Variants in LOXHD1 observed in about 807,000 individuals in gnomAD.
The protein encoded by LOXHD1 is lipoxygenase homology domain-containing protein 1.
LOXHD1 carries 205 observed loss-of-function variants against 248.2 expected under a neutral mutation model. The observed-to-expected ratio is 0.83, with a 90% CI of 0.74 to 0.93. LOXHD1 has a LOEUF of 0.93. Ranked by LOEUF, LOXHD1 falls within the 40% of genes least tolerant of loss-of-function variation. The pLI, the probability that LOXHD1 is intolerant of heterozygous loss-of-function variation, is 0.00. For missense variants in LOXHD1, 2,930 were observed against 2,971.6 expected, an observed-to-expected ratio of 0.99 and a Z score of 0.33; for synonymous variants, 1,113 against 1,162.8, an observed-to-expected ratio of 0.96 and a Z score of 0.87.
chr18:46,486,585 T>A (rs936975506), intron 38 of LOXHD1, among the ~76,000 whole-genome samples: 1 of 152,162 alleles, frequency 6.6e-6, no homozygotes, highest in African/African-American at 2.4e-5. Context: ...AGTTGTACCA[T>A]TGCCTTCTGC....
intron 28 of LOXHD1, 129 bp from the exon 29 acceptor site, chr18:46,529,460 C>T (rs2035967945): frequency 9.6e-7 from 1 of 1,038,434 alleles, no homozygotes; most frequent in Non-Finnish European, 1.3e-6. Flanking sequence ...TAATGCCTTC[C>T]TTTTGTTTGC....
At chr18:46,519,394 T>C (rs1351302990) in intron 33 of LOXHD1, among the ~76,000 whole-genome samples, 4 of 152,240 alleles carry the variant, frequency 2.6e-5, no homozygotes, top group African/African-American at 9.6e-5. Context: ...GTTCCCATCA[T>C]TGTCCTGGTG....
intron 37 of LOXHD1, among the ~76,000 whole-genome samples, chr18:46,496,403 C>T (rs2033871149): frequency 6.6e-6 from 1 of 152,148 alleles, no homozygotes; most frequent in Non-Finnish European, 1.5e-5. Context: ...GCATTTGTCA[C>T]CTGATTTATA....
chr18:46,504,794 T>A (rs568123975), intron 37 of LOXHD1, among the ~76,000 whole-genome samples: 1 of 152,176 alleles, frequency 6.6e-6, no homozygotes, highest in Non-Finnish European at 1.5e-5. Context: ...GGGCAGCCAT[T>A]TGGGAGACCC....
At chr18:46,630,360 A>AG (rs1157660735) in intron 4 of LOXHD1, among the ~76,000 whole-genome samples, 1 of 152,120 alleles carries the variant, frequency 6.6e-6, no homozygotes, top group Admixed American at 6.5e-5. Flanking sequence ...TCGAAGTAGG[A>AG]GGGTTTGTGG....
intron 34 of LOXHD1, among the ~76,000 whole-genome samples, chr18:46,512,685 G>A (rs1166157834): frequency 6.6e-6 from 1 of 152,138 alleles, no homozygotes; most frequent in Non-Finnish European, 1.5e-5. Context: ...GACATCCATG[G>A]CCAACCTTTA....
At chr18:46,504,689 C>T (rs1409334918) in intron 37 of LOXHD1, among the ~76,000 whole-genome samples, 1 of 152,142 alleles carries the variant, frequency 6.6e-6, no homozygotes, top group Non-Finnish European at 1.5e-5. Flanking sequence ...TTGCAAACTA[C>T]CGAGTTGGGT....
chr18:46,520,644 C>T (rs1263196883), intron 33 of LOXHD1: 1 of 246,514 alleles, frequency 4.1e-6, no homozygotes, highest in Non-Finnish European at 7.9e-6. Context: ...CACCGTGAGA[C>T]TCAGAGATTC....
chr18:46,484,613 A>G (rs373924076), intron 39 of LOXHD1, among the ~76,000 whole-genome samples: 12 of 152,188 alleles, frequency 7.9e-5, no homozygotes, highest in East Asian at 5.8e-4. Flanking sequence ...TAGCAGTCAG[A>G]ATGGACTAAG....
rs1308487922 is a variant in LOXHD1, at chr18:46,619,460, A to G, written c.512-1170T>C. ...TGTTGTTTGCCATTTCCTGCAAGTA[A>G]GGCTTCTAATTTCAAGTATTTATAG... On this transcript the variant is annotated intron_variant, in intron 4 of 40. Transcript: ENST00000642948. Among the ~76,000 whole-genome samples, 3 of 152,294 alleles carry G rather than the reference A, an allele frequency of 2.0e-5. No homozygotes were observed. The East Asian group carries it at 5.8e-4, about 29-fold the overall frequency.
chr18:46,520,211 C>T (rs1314843448), intron 33 of LOXHD1: 2 of 461,068 alleles, frequency 4.3e-6, no homozygotes, highest in Non-Finnish European at 4.4e-6. Flanking sequence ...CCCCACACTC[C>T]TGCCTGTCAA....
intron 2 of LOXHD1, among the ~76,000 whole-genome samples, chr18:46,642,882 G>T (rs2038980936): frequency 6.6e-6 from 1 of 152,180 alleles, no homozygotes; most frequent in African/African-American, 2.4e-5. Context: ...ATCCCACTGG[G>T]CTGAGAGCTG....
intron 4 of LOXHD1, among the ~76,000 whole-genome samples, chr18:46,633,965 G>A (rs1449202689): frequency 1.3e-5 from 2 of 152,160 alleles, no homozygotes; most frequent in African/African-American, 4.8e-5. Context: ...GTCAGGATCT[G>A]GAGAAATTAG....
intron 12 of LOXHD1, among the ~76,000 whole-genome samples, chr18:46,582,562 G>T (rs2037983860): frequency 6.6e-6 from 1 of 152,182 alleles, no homozygotes; most frequent in Non-Finnish European, 1.5e-5. Context: ...AATATAGTTA[G>T]CAAAATGGCA....
chr18:46,560,383 CCTT>C lies in LOXHD1; in HGVS notation c.2758_2760del (p.Lys920del), dbSNP rs1419987236. On this transcript the variant is annotated inframe_deletion, in exon 19 of 41. Coordinates refer to ENST00000642948, the MANE Select transcript of LOXHD1 (RefSeq NM_001384474.1). ...TTCTTGAGCAGCTGCCGCAGCTTGT[CCTT>C]CTCCTTCTTCTTCCGGGCCTCCTCC... is the stretch of plus-strand genomic sequence containing the variant. The C allele has an allele frequency of 1.3e-6, 2 of 1,552,422 alleles. No homozygotes were observed. Among genetic ancestry groups the C allele is most frequent in the East Asian group, 2.4e-5 (1 of 41,056 alleles).
At chr18:46,590,809 G>A (rs1435402586) in intron 12 of LOXHD1, among the ~76,000 whole-genome samples, 4 of 152,178 alleles carry the variant, frequency 2.6e-5, no homozygotes, top group East Asian at 1.9e-4. Context: ...TGGCAAGAAC[G>A]TCCTCAGCTC....
At chr18:46,529,087 G>C (rs2144218312) in intron 29 of LOXHD1, 90 bp downstream of exon 29, 1 of 1,477,888 alleles carries the variant, frequency 6.8e-7, no homozygotes, top group East Asian at 2.5e-5. Context: ...TGGAGTTCCT[G>C]GATGTCCCCA....
intron 22 of LOXHD1, among the ~76,000 whole-genome samples, chr18:46,546,480 T>TTC (rs1177858554): frequency 1.4e-5 from 2 of 144,944 alleles, no homozygotes; most frequent in East Asian, 4.2e-4. Flanking sequence ...TTCCAACCCA[T>TTC]CACATTCCAT....
In LOXHD1 at chr18:46,529,245, G is replaced by A. The variant is rs1375889262; in HGVS notation, c.4462C>T (p.Leu1488Phe). The A allele has an allele frequency of 6.4e-7, 1 of 1,551,698 alleles. No homozygotes were observed. The highest frequency in any genetic ancestry group is 8.7e-7 in the Non-Finnish European group (1 of 1,146,988). Residue 1488 changes from leucine (L) to phenylalanine (F), a missense_variant, in exon 29 of 41, where the codon CTC (leucine) becomes TTC (phenylalanine). Physicochemically the swap from Leu to Phe is conservative, Grantham distance 22. Transcript: ENST00000642948. The stretch of plus-strand genomic sequence containing the variant: ...AGGTATCGCTCCCCAGTGTCCCCGA[G>A]GTCTCCATAGATGGTGATGTACACC... ...AKVYITIYGDLGDTGERYLGK... is the reference protein window; with the variant it reads ...AKVYITIYGDFGDTGERYLGK...
Sources: gnomAD v4.1 joint callset for allele counts (sites outside exome capture counted in the v4.1 genomes callset) on GRCh38, gnomAD v4.1.1 for gene constraint, MANE v1.5 for transcripts, NCBI Gene and HGNC (gene_info 2026-07-23, HGNC 2026-07-21) for gene names.